The following ASAP2 variants were observed in gnomAD, a reference collection of about 807,000 sequenced individuals.
The protein encoded by ASAP2 is arf-GAP with SH3 domain, ANK repeat and PH domain-containing protein 2.
In ASAP2, 45 loss-of-function variants were observed where a neutral mutation model predicts 131.4. That is an observed-to-expected ratio of 0.34 (90% CI 0.27 to 0.44). The LOEUF is 0.44. Ranked by LOEUF, ASAP2 falls within the 20% of genes least tolerant of loss-of-function variation. The pLI is 1.00. For synonymous variants in ASAP2, 510 were observed against 503.0 expected, an observed-to-expected ratio of 1.01 and a Z score of -0.19; for missense variants, 1,011 against 1,297.0, an observed-to-expected ratio of 0.78 and a Z score of 3.39.
intron 15 of ASAP2, among the ~76,000 whole-genome samples, chr2:9,361,554 C>A (rs990073077): frequency 6.6e-6 from 1 of 151,112 alleles, no homozygotes; most frequent in African/African-American, 2.4e-5. Flanking sequence ...TCTTTCCTTC[C>A]TTTCTTTTCT....
intron 1 of ASAP2, among the ~76,000 whole-genome samples, chr2:9,252,866 AGAT>A (rs1236026016): frequency 6.6e-6 from 1 of 150,516 alleles, no homozygotes; most frequent in African/African-American, 2.4e-5. Flanking sequence ...CAGTGAGCCG[AGAT>A]CGCGCCACTG....
At chr2:9,353,105 G>A (rs1333489357) in intron 12 of ASAP2, among the ~76,000 whole-genome samples, 2 of 152,182 alleles carry the variant, frequency 1.3e-5, no homozygotes, top group Admixed American at 6.5e-5. Flanking sequence ...AGTATAAGCC[G>A]TGATTTGATG....
At chr2:9,290,259 G>C (rs1228132766) in intron 2 of ASAP2, among the ~76,000 whole-genome samples, 3 of 152,154 alleles carry the variant, frequency 2.0e-5, no homozygotes, top group East Asian at 3.8e-4. Context: ...CCAGGCTGGA[G>C]TGCACAGTGG....
intron 1 of ASAP2, among the ~76,000 whole-genome samples, chr2:9,214,032 C>T (rs952093420): frequency 6.6e-6 from 1 of 152,172 alleles, no homozygotes; most frequent in Non-Finnish European, 1.5e-5. Flanking sequence ...TCTATGCAGA[C>T]TACAGCAGGT....
chr2:9,299,911 A>G (rs1668376646), intron 3 of ASAP2, among the ~76,000 whole-genome samples: 2 of 152,154 alleles, frequency 1.3e-5, no homozygotes, highest in Admixed American at 1.3e-4. Context: ...TACAGATTAG[A>G]TAACTGAGGC....
At position 9,390,953 on chromosome 2, in the gene ASAP2, C is replaced by G. The variant is rs530146679; in HGVS notation, c.2384-109C>G. ...TTCTAGGTAGAAGGGTCATACTGACCGTTTCATAAGGGGGAGGATCAATAA... is the reference window on the plus strand; with the variant it reads ...TTCTAGGTAGAAGGGTCATACTGACGGTTTCATAAGGGGGAGGATCAATAA... On this transcript the variant is annotated intron_variant, in intron 22 of 27. Transcript: ENST00000281419. The G allele has an allele frequency of 1.6e-5, 25 of 1,542,608 alleles. No individual in the cohort carries two copies. In the African/African-American group the frequency reaches 2.7e-4, roughly 17 times the overall value.
At chr2:9,254,309 CATT>C (rs1199377857) in intron 1 of ASAP2, among the ~76,000 whole-genome samples, 23 of 124,958 alleles carry the variant, frequency 1.8e-4, no homozygotes, top group African/African-American at 5.6e-4. Flanking sequence ...TTCTATTAGT[CATT>C]GTTGTTAATC....
At chr2:9,315,229 C>G (rs184859774) in intron 3 of ASAP2, among the ~76,000 whole-genome samples, 3 of 152,294 alleles carry the variant, frequency 2.0e-5, no homozygotes, top group East Asian at 3.9e-4. Context: ...ATTAGGGACA[C>G]AACCCCAGAC....
chr2:9,331,003 G>A (rs952218588), intron 7 of ASAP2, among the ~76,000 whole-genome samples: 4 of 152,238 alleles, frequency 2.6e-5, no homozygotes, highest in Non-Finnish European at 5.9e-5. Flanking sequence ...CGTGGAGCTC[G>A]AGCAACTCAG....
intron 1 of ASAP2, among the ~76,000 whole-genome samples, chr2:9,213,125 T>C (rs1319142272): frequency 2.0e-5 from 3 of 152,188 alleles, no homozygotes; most frequent in African/African-American, 7.2e-5. Flanking sequence ...ATGCATAACA[T>C]GGGGATAGAA....
intron 1 of ASAP2, among the ~76,000 whole-genome samples, chr2:9,221,736 TATC>T (rs1408515869): frequency 6.6e-6 from 1 of 152,374 alleles, no homozygotes; most frequent in African/African-American, 2.4e-5. Flanking sequence ...ATATGCAAAA[TATC>T]ATCTGCAAAT....
chr2:9,349,876 C>T (rs1015011578), intron 11 of ASAP2, among the ~76,000 whole-genome samples: 1 of 152,030 alleles, frequency 6.6e-6, no homozygotes, highest in African/African-American at 2.4e-5. Context: ...TGGATTAATC[C>T]CAAATTCAGG....
At chr2:9,390,866 G>T (rs545446338) in intron 22 of ASAP2, among the ~76,000 whole-genome samples, 196 bp from the exon 23 acceptor site, 1 of 152,304 alleles carries the variant, frequency 6.6e-6, no homozygotes, top group South Asian at 2.1e-4. Flanking sequence ...GAGCCTCTTC[G>T]GTTTCGCGAG....
At chr2:9,246,287 A>T (rs986788158) in intron 1 of ASAP2, among the ~76,000 whole-genome samples, 6 of 152,130 alleles carry the variant, frequency 3.9e-5, no homozygotes, top group African/African-American at 1.4e-4. Context: ...TAGTGTGAAA[A>T]TTTTATTTTA....
intron 15 of ASAP2, among the ~76,000 whole-genome samples, chr2:9,365,202 T>G (rs1673373686): frequency 6.6e-6 from 1 of 152,234 alleles, no homozygotes; most frequent in Non-Finnish European, 1.5e-5. Context: ...TTTGTGCTCT[T>G]TGCTTTGGAG....
At chr2:9,301,978 C>T (rs1668508882) in intron 3 of ASAP2, among the ~76,000 whole-genome samples, 1 of 152,124 alleles carries the variant, frequency 6.6e-6, no homozygotes, top group African/African-American at 2.4e-5. Flanking sequence ...TGCCCACCGC[C>T]ATGCCCGGCT....
rs189294749 is a variant in ASAP2, at chr2:9,276,024, C to T, written c.127-3293C>T. Among the ~76,000 whole-genome samples the T allele has an allele frequency of 5.3e-5, 8 of 152,290 alleles. No homozygotes were observed. The South Asian group carries it at 6.2e-4, about 12-fold the overall frequency. ...CAAGTTAAAAAAGCAGTTCTGTGCA[C>T]GTAGTAAGTCCTGGGCTCCTGTTTT... On this transcript the variant is annotated intron_variant, in intron 1 of 27. Transcript: ENST00000281419.
In ASAP2 at chr2:9,395,599, T is replaced by C. The variant is rs796406834; in HGVS notation, c.2684+1952T>C. Among the ~76,000 whole-genome samples, 301 of 61,904 alleles carry C rather than the reference T, an allele frequency of 4.9e-3. 8 individuals carry two copies. In the East Asian group the frequency reaches 0.08, roughly 16 times the overall value. 40.6% of individuals were successfully genotyped at this position (61,904 alleles called of 152,430 possible). On this transcript the variant is annotated intron_variant, in intron 24 of 27. Coordinates refer to ENST00000281419, the MANE Select transcript of ASAP2 (RefSeq NM_003887.3). ...GTTTTTCTTGTGTTTTTTTTCTTTT[T>C]TTTTTTTTTTTTTTTTTTTTTTTTT...
intron 1 of ASAP2, chr2:9,271,418 T>A: frequency 7.0e-7 from 1 of 1,431,900 alleles, no homozygotes. Context: ...TCAATTACAG[T>A]ACCATTGCAG....
Sources: allele counts gnomAD v4.1 joint callset (sites outside exome capture counted in the v4.1 genomes callset), GRCh38; gene constraint gnomAD v4.1.1; transcripts MANE v1.5; gene names NCBI Gene and HGNC (gene_info 2026-07-23, HGNC 2026-07-21).